Variants in KCNT2 observed in about 807,000 individuals in gnomAD.
The protein encoded by KCNT2 is potassium sodium-activated channel subfamily T member 2.
Under a neutral mutation model 153.8 loss-of-function variants are expected in KCNT2, and 67 were observed. The ratio of observed to expected loss-of-function variants is 0.44; its 90% confidence interval spans 0.36 to 0.53. The LOEUF (loss-of-function observed/expected upper bound fraction) is 0.53. KCNT2 is among the 20% of genes least tolerant of loss of function. The pLI, the probability that KCNT2 is intolerant of heterozygous loss-of-function variation, is 0.00. For missense variants in KCNT2, 975 were observed against 1,354.8 expected, an observed-to-expected ratio of 0.72 and a Z score of 4.40; for synonymous variants, 500 against 458.8, an observed-to-expected ratio of 1.09 and a Z score of -1.15.
At chr1:196,261,769 C>A (rs1347935335) in intron 25 of KCNT2, among the ~76,000 whole-genome samples, 1 of 151,798 alleles carries the variant, frequency 6.6e-6, no homozygotes, top group Non-Finnish European at 1.5e-5. Flanking sequence ...TTATTTTGTA[C>A]TTTTCCATGG....
intron 5 of KCNT2, among the ~76,000 whole-genome samples, chr1:196,472,223 C>A (rs1678164330): frequency 6.6e-6 from 1 of 152,214 alleles, no homozygotes; most frequent in African/African-American, 2.4e-5. Context: ...CATACACACT[C>A]TTCCCCTTCT....
intron 8 of KCNT2, among the ~76,000 whole-genome samples, chr1:196,451,844 C>T (rs1467544067): frequency 6.6e-6 from 1 of 151,742 alleles, no homozygotes; most frequent in Non-Finnish European, 1.5e-5. Flanking sequence ...GGGAGACTGA[C>T]CAAAGAGATA....
chr1:196,586,110 A>C (rs1427497548), intron 1 of KCNT2, among the ~76,000 whole-genome samples: 4 of 151,954 alleles, frequency 2.6e-5, no homozygotes, highest in Non-Finnish European at 5.9e-5. Flanking sequence ...AAAAAATACA[A>C]AAAATTATCC....
intron 8 of KCNT2, among the ~76,000 whole-genome samples, chr1:196,454,059 A>G (rs1324930723): frequency 6.6e-6 from 1 of 151,618 alleles, no homozygotes; most frequent in African/African-American, 2.4e-5. Context: ...TTTAATCCTT[A>G]TATTTCCTGA....
chr1:196,340,273 A>G, intron 16 of KCNT2, 68 bp downstream of exon 16: 1 of 964,502 alleles, frequency 1.0e-6, no homozygotes, highest in Non-Finnish European at 1.5e-6. Flanking sequence ...ATTTAAATGC[A>G]TTGGTATTTA....
intron 14 of KCNT2, among the ~76,000 whole-genome samples, chr1:196,349,410 T>A (rs944996168): frequency 1.3e-5 from 2 of 152,160 alleles, no homozygotes; most frequent in African/African-American, 4.8e-5. Flanking sequence ...TTGTTCTCCC[T>A]GGGCTGTCGC....
chr1:196,281,080 G>C, intron 24 of KCNT2, 92 bp from the exon 25 acceptor site: 1 of 989,812 alleles, frequency 1.0e-6, no homozygotes, highest in Non-Finnish European at 1.5e-6. Context: ...TATTTTTGTG[G>C]GGGGCAGGGT....
chr1:196,383,709 C>A (rs1286581971), intron 13 of KCNT2, among the ~76,000 whole-genome samples: 6 of 151,926 alleles, frequency 3.9e-5, no homozygotes, highest in South Asian at 2.1e-4. Flanking sequence ...GTCTTTAAAT[C>A]AAAAAAATAA....
chr1:196,464,694 C>T (rs1281415214), intron 8 of KCNT2, among the ~76,000 whole-genome samples: 1 of 151,868 alleles, frequency 6.6e-6, no homozygotes, highest in Non-Finnish European at 1.5e-5. Context: ...ATCCATATGT[C>T]CGGTGTCATA....
intron 3 of KCNT2, among the ~76,000 whole-genome samples, chr1:196,489,328 T>C (rs939116260): frequency 1.3e-5 from 2 of 151,884 alleles, no homozygotes; most frequent in African/African-American, 4.8e-5. Flanking sequence ...TGTCATGGAA[T>C]ATCCTCTCTA....
chr1:196,561,250 G>A (rs934430791), intron 1 of KCNT2, among the ~76,000 whole-genome samples: 11 of 151,178 alleles, frequency 7.3e-5, no homozygotes, highest in Admixed American at 1.3e-4. Flanking sequence ...TGTCAGTTAA[G>A]TTTAAAGAGA....
At chr1:196,256,227 T>C (rs938289921) in intron 26 of KCNT2, among the ~76,000 whole-genome samples, 14 of 151,948 alleles carry the variant, frequency 9.2e-5, no homozygotes, top group African/African-American at 3.4e-4. Flanking sequence ...ATCAAGTTTA[T>C]AAACCTGGTA....
At chr1:196,451,868 A>G (rs1400234951) in intron 8 of KCNT2, among the ~76,000 whole-genome samples, 1 of 151,780 alleles carries the variant, frequency 6.6e-6, no homozygotes, top group East Asian at 2.0e-4. Context: ...TCCTTTCTGT[A>G]CCATACATTA....
intron 14 of KCNT2, among the ~76,000 whole-genome samples, chr1:196,344,123 C>A (rs1665931010): frequency 1.3e-5 from 2 of 152,158 alleles, no homozygotes; most frequent in African/African-American, 4.8e-5. Context: ...TTCAGTGATT[C>A]TTTATCTCTT....
intron 1 of KCNT2, among the ~76,000 whole-genome samples, chr1:196,516,579 G>A (rs1682073808): frequency 6.6e-6 from 1 of 152,184 alleles, no homozygotes; most frequent in South Asian, 2.1e-4. Flanking sequence ...TGCCTGAGGG[G>A]CCTGTGGGCT....
At chr1:196,285,625 T>C in intron 23 of KCNT2, 32 bp downstream of exon 23, 1 of 1,349,000 alleles carries the variant, frequency 7.4e-7, no homozygotes, top group African/African-American at 1.5e-5. Context: ...AAAACAACCA[T>C]TTTAGAGAAA....
chr1:196,308,103 C>A (rs1481541610), intron 21 of KCNT2, among the ~76,000 whole-genome samples: 2 of 152,060 alleles, frequency 1.3e-5, no homozygotes, highest in Non-Finnish European at 2.9e-5. Context: ...CATTCATGCA[C>A]TGAACTTTAA....
intron 13 of KCNT2, among the ~76,000 whole-genome samples, chr1:196,382,820 CA>C (rs968278312): frequency 1.3e-5 from 2 of 151,164 alleles, no homozygotes; most frequent in Admixed American, 1.3e-4. Flanking sequence ...AAGAAAAAAA[CA>C]AAAAAACACA....
chr1:196,448,406 T>C lies in KCNT2; in HGVS notation c.638+16887A>G, dbSNP rs1010671891. ...ACATTTCTGTATTATTTTGCCTACA[T>C]AATGAAATTCCTGACTTCTGCAAGA... is the stretch of plus-strand genomic sequence containing the variant. On this transcript the variant is annotated intron_variant, in intron 8 of 27. Coordinates refer to ENST00000294725, the MANE Select transcript of KCNT2 (RefSeq NM_198503.5). Among the ~76,000 whole-genome samples, 8 of 151,706 alleles carry C rather than the reference T, an allele frequency of 5.3e-5. No homozygotes were observed. In the South Asian group the frequency reaches 1.4e-3, roughly 27 times the overall value.
Sources: gnomAD v4.1 joint callset for allele counts (sites outside exome capture counted in the v4.1 genomes callset) on GRCh38, gnomAD v4.1.1 for gene constraint, MANE v1.5 for transcripts, NCBI Gene and HGNC (gene_info 2026-07-23, HGNC 2026-07-21) for gene names.